Variants in GRIK4 observed in about 807,000 individuals in gnomAD.
GRIK4 encodes the protein glutamate ionotropic receptor kainate type subunit 4.
A neutral mutation model predicts 104.9 loss-of-function variants in GRIK4; 40 were observed. That is an observed-to-expected ratio of 0.38 (90% CI 0.30 to 0.50). The LOEUF is 0.50. Ranked by LOEUF, GRIK4 falls within the 20% of genes least tolerant of loss-of-function variation. GRIK4 has a pLI of 0.93. For synonymous variants in GRIK4, 485 were observed against 524.9 expected (o/e 0.92, Z 1.04); for missense variants, 1,047 against 1,308.1 (o/e 0.80, Z 3.08).
chr11:120,755,791 A>G (rs1951641525), intron 3 of GRIK4, among the ~76,000 whole-genome samples: 1 of 152,004 alleles, frequency 6.6e-6, no homozygotes, highest in South Asian at 2.1e-4. Context: ...TTGCCCTCCT[A>G]CCCTCCAGGG....
intron 3 of GRIK4, among the ~76,000 whole-genome samples, chr11:120,737,984 G>C (rs1184117953): frequency 6.6e-6 from 1 of 152,186 alleles, no homozygotes; most frequent in Non-Finnish European, 1.5e-5. Flanking sequence ...GGAATTTAAA[G>C]CCTTGGGAAT....
In GRIK4 at chr11:120,802,678, G is replaced by A; in HGVS notation, c.83-15G>A. 1 of 1,611,600 alleles carries A rather than the reference G, an allele frequency of 6.2e-7. No individual in the cohort carries two copies. Among genetic ancestry groups the A allele is most frequent in the Non-Finnish European group, 8.5e-7 (1 of 1,178,600 alleles). On this transcript the variant is annotated splice_polypyrimidine_tract_variant and intron_variant, in intron 3 of 20. Transcript: ENST00000527524. ...GTGGAGTACCAATTGTCTCCATGTG[G>A]TTGCCTGCCCACAGCTGCTATCTTG...
intron 3 of GRIK4, among the ~76,000 whole-genome samples, chr11:120,715,710 G>A (rs953132903): frequency 2.6e-5 from 4 of 152,270 alleles, no homozygotes; most frequent in South Asian, 2.1e-4. Flanking sequence ...AAAACGTCCC[G>A]TGTTTGCAGC....
In GRIK4 at chr11:120,765,102, G is replaced by A. The variant is rs142811714; in HGVS notation, c.83-37591G>A. The stretch of plus-strand genomic sequence containing the variant: ...TCACTTTCAGGTACACCAATCAAAC[G>A]TAGGTTTTGTCTTTTCTTATAGTCC... On this transcript the variant is annotated intron_variant, in intron 3 of 20. Transcript: ENST00000527524. Among the ~76,000 whole-genome samples, 54 of 152,146 alleles carry A rather than the reference G, an allele frequency of 3.5e-4. No homozygotes were observed. The East Asian group carries it at 0.01, about 28-fold the overall frequency.
intron 1 of GRIK4, among the ~76,000 whole-genome samples, chr11:120,527,062 G>C (rs1409201086): frequency 6.6e-6 from 1 of 152,240 alleles, no homozygotes; most frequent in African/African-American, 2.4e-5. Flanking sequence ...GGTTGCAGAA[G>C]TTGCCCAAAG....
chr11:120,686,624 T>G (rs1486059842), intron 3 of GRIK4, among the ~76,000 whole-genome samples: 1 of 152,254 alleles, frequency 6.6e-6, no homozygotes. Flanking sequence ...TTAAATATGC[T>G]AACAGAGGGA....
At chr11:120,815,092 C>T (rs1260033757) in intron 4 of GRIK4, among the ~76,000 whole-genome samples, 1 of 152,276 alleles carries the variant, frequency 6.6e-6, no homozygotes, top group African/African-American at 2.4e-5. Flanking sequence ...CCTTCTGTGA[C>T]AGTCCAGACA....
At chr11:120,605,448 C>T (rs933549917) in intron 1 of GRIK4, among the ~76,000 whole-genome samples, 2 of 152,238 alleles carry the variant, frequency 1.3e-5, no homozygotes, top group Admixed American at 6.5e-5. Context: ...ATACTACTTA[C>T]AGCATGGGGT....
intron 9 of GRIK4, chr11:120,869,568 T>C (rs1954536438): frequency 6.6e-6 from 1 of 152,274 alleles, no homozygotes; most frequent in African/African-American, 2.4e-5. Flanking sequence ...CATGTGCTAA[T>C]AAGAGAGCAT....
At chr11:120,575,428 G>A (rs1239933084) in intron 1 of GRIK4, among the ~76,000 whole-genome samples, 2 of 151,986 alleles carry the variant, frequency 1.3e-5, no homozygotes, top group Non-Finnish European at 1.5e-5. Flanking sequence ...CTGGCGCACG[G>A]GTCCTCTCAC....
At chr11:120,712,653 T>C (rs796975019) in intron 3 of GRIK4, among the ~76,000 whole-genome samples, 10 of 152,070 alleles carry the variant, frequency 6.6e-5, no homozygotes, top group African/African-American at 2.4e-4. Context: ...TCTACTTAAA[T>C]TCTGCCAGGG....
rs1942766179 is a variant in GRIK4, at chr11:120,902,566, G to T, written c.1273-2724G>T. The stretch of plus-strand genomic sequence containing the variant: ...CCATGCCCTGTCCAGGAAGCCATTT[G>T]TTTGCTTCTTACTCACATGATCGGC... On this transcript the variant is annotated intron_variant, in intron 12 of 20. Coordinates refer to ENST00000527524, the MANE Select transcript of GRIK4 (RefSeq NM_014619.5). The surrounding 1 kb of genome is among the most constrained non-coding windows in gnomAD (Gnocchi z 4.5). 6.6e-6 allele frequency among the ~76,000 whole-genome samples: 1 copy of T among 152,176 alleles called. No homozygotes were observed. Among genetic ancestry groups the T allele is most frequent in the Non-Finnish European group, 1.5e-5 (1 of 68,034 alleles).
chr11:120,707,921 A>T (rs751628134), intron 3 of GRIK4, among the ~76,000 whole-genome samples: 2 of 152,184 alleles, frequency 1.3e-5, no homozygotes, highest in Non-Finnish European at 2.9e-5. Context: ...CACAAGAACC[A>T]TGCAGAAGCT....
chr11:120,682,448 G>A (rs1209245937), intron 3 of GRIK4, among the ~76,000 whole-genome samples: 1 of 152,128 alleles, frequency 6.6e-6, no homozygotes, highest in Non-Finnish European at 1.5e-5. Flanking sequence ...TCCATTTGCA[G>A]CTCTTGATGC....
intron 6 of GRIK4, among the ~76,000 whole-genome samples, chr11:120,820,465 A>T (rs891041552): frequency 8.5e-5 from 13 of 152,204 alleles, no homozygotes; most frequent in Non-Finnish European, 1.5e-4. Context: ...GGTTTTGGAA[A>T]TGTGTTTTCT....
chr11:120,969,470 A>G (rs534330744), intron 19 of GRIK4, among the ~76,000 whole-genome samples: 1 of 152,218 alleles, frequency 6.6e-6, no homozygotes, highest in South Asian at 2.1e-4. Flanking sequence ...CGGGTGGTCC[A>G]TGTGGAACAG....
rs1942759957 is a variant in GRIK4 at position 120,902,347 on chromosome 11, G to A, written c.1273-2943G>A. 6.6e-6 allele frequency among the ~76,000 whole-genome samples: 1 copy of A among 152,188 alleles called. No homozygotes were observed. The highest frequency in any genetic ancestry group is 1.5e-5 in the Non-Finnish European group (1 of 68,044). On this transcript the variant is annotated intron_variant, in intron 12 of 20. Coordinates refer to ENST00000527524, the MANE Select transcript of GRIK4 (RefSeq NM_014619.5). This position sits in a 1 kb window ranked among gnomAD's most constrained non-coding sequence, Gnocchi z 4.5. ...CCAGCATTCTCCAAGGTGCCAGTGA[G>A]CCCTAACCATCCCCATCCTTGGGCT...
chr11:120,932,770 G>A (rs1359108605), intron 13 of GRIK4, among the ~76,000 whole-genome samples: 1 of 152,206 alleles, frequency 6.6e-6, no homozygotes, highest in Non-Finnish European at 1.5e-5. Flanking sequence ...CCAGCAGCAG[G>A]TGAAACAGGA....
At chr11:120,529,647 A>C (rs1244212805) in intron 1 of GRIK4, among the ~76,000 whole-genome samples, 2 of 152,248 alleles carry the variant, frequency 1.3e-5, no homozygotes, top group Non-Finnish European at 2.9e-5. Context: ...TCTGTGAAAC[A>C]AGGTGGAGAT....
Sources: allele counts gnomAD v4.1 joint callset (sites outside exome capture counted in the v4.1 genomes callset), GRCh38; gene constraint gnomAD v4.1.1; non-coding constraint Gnocchi (gnomAD v3.1); transcripts MANE v1.5; gene names NCBI Gene and HGNC (gene_info 2026-07-23, HGNC 2026-07-21).